The following ACER1 variants were observed in gnomAD, a reference collection of about 807,000 sequenced individuals.
The protein encoded by ACER1 is CTB-180A7.3.
Under a neutral mutation model 24.9 loss-of-function variants are expected in ACER1, and 28 were observed. That is an observed-to-expected ratio of 1.13 (90% CI 0.83 to 1.54). ACER1 has a LOEUF of 1.54. ACER1 is among the 40% of genes most tolerant of loss of function. The pLI is 0.00. For missense variants in ACER1, 352 were observed against 349.3 expected, an observed-to-expected ratio of 1.01 and a Z score of -0.06; for synonymous variants, 132 against 131.4, an observed-to-expected ratio of 1.00 and a Z score of -0.03.
At position 6,306,884 on chromosome 19, in the gene ACER1, T is replaced by C; in HGVS notation, c.627-2A>G. The C allele has an allele frequency of 6.2e-7, 1 of 1,610,892 alleles. No homozygotes were observed. The highest frequency in any genetic ancestry group is 8.5e-7 in the Non-Finnish European group (1 of 1,177,878). On this transcript the variant is annotated splice_acceptor_variant, in intron 5 of 5. Coordinates refer to ENST00000301452, the MANE Select transcript of ACER1 (RefSeq NM_133492.3). LOFTEE classifies it high-confidence loss of function. ...AAGGTGATGCTGATGAGCACATGCCTGTGGAGTGCAGGGCGAAGGTGGCGA... is the reference window on the plus strand; with the variant it reads ...AAGGTGATGCTGATGAGCACATGCCCGTGGAGTGCAGGGCGAAGGTGGCGA...
chr19:6,328,731 A>G (rs73559852), intron 1 of ACER1, among the ~76,000 whole-genome samples: 17,894 of 151,320 alleles, frequency 0.12, 2,502 homozygotes, highest in African/African-American at 0.34. Flanking sequence ...CAGTGGCACC[A>G]TCTCCACTCA....
intron 4 of ACER1, among the ~76,000 whole-genome samples, chr19:6,309,140 G>A (rs974050046): frequency 2.0e-5 from 3 of 152,058 alleles, no homozygotes; most frequent in Non-Finnish European, 4.4e-5. Context: ...AGAGTTTGCA[G>A]TGAGCTGAGA....
At chr19:6,332,591 A>G (rs57529249) in intron 1 of ACER1, among the ~76,000 whole-genome samples, 17,002 of 151,964 alleles carry the variant, frequency 0.11, 1,287 homozygotes, top group East Asian at 0.38. Context: ...ATTTTTTAGC[A>G]CTTCCCATGT....
upstream of ACER1, among the ~76,000 whole-genome samples, chr19:6,336,916 C>T (rs1276602269): frequency 6.6e-6 from 1 of 151,978 alleles, no homozygotes; most frequent in Non-Finnish European, 1.5e-5. Context: ...TGGCTCACCC[C>T]TGTAATCCCA....
intron 1 of ACER1, among the ~76,000 whole-genome samples, chr19:6,314,767 T>C (rs2091595345): frequency 6.6e-6 from 1 of 152,184 alleles, no homozygotes; most frequent in African/African-American, 2.4e-5. Context: ...TATACTAAAA[T>C]ATACCTGCGT....
At chr19:6,308,938 C>T (rs2091564258) in intron 4 of ACER1, among the ~76,000 whole-genome samples, 2 of 152,066 alleles carry the variant, frequency 1.3e-5, no homozygotes, top group Non-Finnish European at 1.5e-5. Context: ...GTGGCTCACG[C>T]CTGTAATCTC....
upstream of ACER1, among the ~76,000 whole-genome samples, chr19:6,333,802 A>G (rs1198666751): frequency 6.6e-6 from 1 of 152,186 alleles, no homozygotes; most frequent in Non-Finnish European, 1.5e-5. Flanking sequence ...GGCAGGGAAG[A>G]GGCCTCCCAT....
At chr19:6,323,472 T>C (rs1350365698) in intron 1 of ACER1, among the ~76,000 whole-genome samples, 2 of 151,994 alleles carry the variant, frequency 1.3e-5, no homozygotes, top group Non-Finnish European at 2.9e-5. Context: ...GCACAAGCTC[T>C]TTCTCTTTGC....
At position 6,312,239 on chromosome 19, in the gene ACER1, A is replaced by G. The variant is rs2091585453; in HGVS notation, c.260T>C (p.Leu87Pro). The G allele has an allele frequency of 6.2e-7, 1 of 1,614,080 alleles. No homozygotes were observed. The highest frequency in any genetic ancestry group is 1.3e-5 in the African/African-American group (1 of 75,050). The change falls in exon 3 of 6, where the codon CTG (leucine) becomes CCG (proline). Residue 87 changes from leucine (L) to proline (P), a missense_variant. Physicochemically the swap from Leu to Pro is moderately conservative, Grantham distance 98. Coordinates refer to ENST00000301452, the MANE Select transcript of ACER1 (RefSeq NM_133492.3). ...HMTLSFLGQL[L>P]DEIAILWLLG... Reference sequence around the variant, plus strand: ...GAGCCACAGGATGGCGATCTCGTCCAGCAGCTGGCCCAGGAAGCTGAGCGT... The same window carrying G: ...GAGCCACAGGATGGCGATCTCGTCCGGCAGCTGGCCCAGGAAGCTGAGCGT...
At chr19:6,347,964 G>A in the ACER1 span, among the ~76,000 whole-genome samples, 1 of 150,778 alleles carries the variant, frequency 6.6e-6, no homozygotes, top group African/African-American at 2.4e-5. Context: ...CCAAGGTGGG[G>A]GGCGGATCAC....
upstream of ACER1, chr19:6,333,777 C>T: frequency 2.1e-6 from 1 of 480,128 alleles, no homozygotes; most frequent in South Asian, 2.8e-5. Flanking sequence ...CCAGGCAGGG[C>T]AGGGGGCAGA....
rs148361519 is a variant in ACER1, at chr19:6,307,750, C to T, written c.489-460G>A. Among the ~76,000 whole-genome samples, 144 of 152,158 alleles carry T rather than the reference C, an allele frequency of 9.5e-4. 1 individual carries two copies. The East Asian group carries it at 0.026, about 27-fold the overall frequency. On this transcript the variant is annotated intron_variant, in intron 4 of 5. Coordinates refer to ENST00000301452, the MANE Select transcript of ACER1 (RefSeq NM_133492.3). ...AGGCTGCAGTGAGCCGTGATTGCGC[C>T]GCTGCACTCCGGCCTGGGTGACAGA...
the ACER1 span, among the ~76,000 whole-genome samples, chr19:6,347,895 A>G: frequency 6.6e-6 from 1 of 151,100 alleles, no homozygotes; most frequent in African/African-American, 2.4e-5. Flanking sequence ...GTGTCCTTAT[A>G]AAAAGGGAAA....
At chr19:6,357,391 C>T in the ACER1 span, among the ~76,000 whole-genome samples, 22 of 151,362 alleles carry the variant, frequency 1.5e-4, no homozygotes, top group African/African-American at 4.9e-4. Flanking sequence ...CTGGATTGAG[C>T]TTGATGTGTT....
intron 1 of ACER1, among the ~76,000 whole-genome samples, chr19:6,317,777 CAG>C (rs1198774814): frequency 1.3e-5 from 2 of 151,754 alleles, no homozygotes; most frequent in Non-Finnish European, 2.9e-5. Context: ...CTTTTTGAGA[CAG>C]AGTCTTGCTC....
chr19:6,322,978 G>A (rs981290152), intron 1 of ACER1, among the ~76,000 whole-genome samples: 4 of 151,994 alleles, frequency 2.6e-5, no homozygotes, highest in African/African-American at 9.7e-5. Flanking sequence ...CAGGTGTGGT[G>A]GTGCACACCT....
upstream of ACER1, chr19:6,333,750 C>T (rs2091701502): frequency 1.7e-5 from 9 of 529,274 alleles, no homozygotes; most frequent in Non-Finnish European, 2.7e-5. Flanking sequence ...GAGCATAAGC[C>T]GTGGGACTGG....
At chr19:6,341,601 T>G in the ACER1 span, among the ~76,000 whole-genome samples, 8,401 of 151,560 alleles carry the variant, frequency 0.055, 394 homozygotes, top group African/African-American at 0.13. Context: ...GGCTTTTTTT[T>G]GTTTTCTTTT....
intron 1 of ACER1, among the ~76,000 whole-genome samples, chr19:6,326,452 A>C (rs2091662509): frequency 1.3e-5 from 2 of 150,598 alleles, no homozygotes; most frequent in African/African-American, 4.9e-5. Flanking sequence ...TTTTGTAGTG[A>C]TGGGGTCTTG....
Sources: allele counts gnomAD v4.1 joint callset (sites outside exome capture counted in the v4.1 genomes callset), GRCh38; gene constraint gnomAD v4.1.1; transcripts MANE v1.5; gene names NCBI Gene and HGNC (gene_info 2026-07-23, HGNC 2026-07-21).